The following FSTL4 variants were observed in gnomAD, a reference collection of about 807,000 sequenced individuals.
FSTL4 encodes follistatin like 4.
A neutral mutation model predicts 78.2 loss-of-function variants in FSTL4; 28 were observed. The observed-to-expected ratio is 0.36, with a 90% CI of 0.27 to 0.49. The LOEUF (loss-of-function observed/expected upper bound fraction) is 0.49, where lower values mean the gene tolerates loss of function less well. Among genes scored for constraint, FSTL4 ranks in the 20% least tolerant of loss-of-function variants. FSTL4 has a pLI of 0.98. For synonymous variants in FSTL4, 422 were observed against 440.5 expected (o/e 0.96, Z 0.53); for missense variants, 922 against 1,084.9 (o/e 0.85, Z 2.11).
At chr5:133,827,348 G>A in the FSTL4 span, among the ~76,000 whole-genome samples, 32,859 of 152,062 alleles carry the variant, frequency 0.22, 4,147 homozygotes, top group Middle Eastern at 0.32. Context: ...GCAGCGGGGC[G>A]ATCAACTGAA....
intron 3 of FSTL4, among the ~76,000 whole-genome samples, chr5:133,565,898 A>C (rs1291666690): frequency 6.6e-6 from 1 of 152,230 alleles, no homozygotes; most frequent in Non-Finnish European, 1.5e-5. Flanking sequence ...GCCAAAGTTC[A>C]TGTCAAATTC....
chr5:133,575,912 C>A (rs1760267327), intron 2 of FSTL4, among the ~76,000 whole-genome samples: 1 of 152,192 alleles, frequency 6.6e-6, no homozygotes, highest in African/African-American at 2.4e-5. Flanking sequence ...CATAACCTTT[C>A]TACGAGTTTG....
At chr5:133,755,042 C>A in the FSTL4 span, among the ~76,000 whole-genome samples, 10 of 152,170 alleles carry the variant, frequency 6.6e-5, no homozygotes, top group Non-Finnish European at 1.0e-4. Context: ...CTCCATCCCC[C>A]TGCAAGCCAG....
intron 4 of FSTL4, among the ~76,000 whole-genome samples, chr5:133,330,393 A>G (rs1265799700): frequency 6.6e-6 from 1 of 152,192 alleles, no homozygotes; most frequent in South Asian, 2.1e-4. Flanking sequence ...AGAAGGTGAA[A>G]GGGGAGCAGG....
chr5:133,493,891 C>A (rs529214514), intron 3 of FSTL4, among the ~76,000 whole-genome samples: 8 of 152,198 alleles, frequency 5.3e-5, no homozygotes, highest in Non-Finnish European at 8.8e-5. Flanking sequence ...GGATATTGAA[C>A]CTTCTAGCCC....
intron 2 of FSTL4, among the ~76,000 whole-genome samples, chr5:133,602,406 C>T (rs1470495009): frequency 1.3e-5 from 2 of 152,180 alleles, no homozygotes; most frequent in Non-Finnish European, 2.9e-5. Context: ...TTCAATTTAC[C>T]TCCAGCTAAA....
intron 3 of FSTL4, among the ~76,000 whole-genome samples, chr5:133,436,681 T>C (rs1056920154): frequency 3.9e-5 from 6 of 152,118 alleles, no homozygotes; most frequent in African/African-American, 1.4e-4. Flanking sequence ...TCCACGGTAG[T>C]AGTATTTACA....
At chr5:133,315,811 G>C (rs1753890350) in intron 5 of FSTL4, among the ~76,000 whole-genome samples, 1 of 152,330 alleles carries the variant, frequency 6.6e-6, no homozygotes, top group East Asian at 1.9e-4. Context: ...GCAACTGGCA[G>C]TGGCTGTGGC....
chr5:133,343,915 C>T (rs570897421), intron 4 of FSTL4, among the ~76,000 whole-genome samples: 4 of 152,314 alleles, frequency 2.6e-5, no homozygotes, highest in South Asian at 2.1e-4. Context: ...TATTGATCAA[C>T]GCTGAACTGC....
intron 14 of FSTL4, among the ~76,000 whole-genome samples, chr5:133,202,962 G>A (rs1750378538): frequency 6.6e-6 from 1 of 152,218 alleles, no homozygotes; most frequent in African/African-American, 2.4e-5. Flanking sequence ...TAGGATGAGT[G>A]AGTGGTCTGG....
chr5:133,379,028 T>A (rs940589359), intron 4 of FSTL4, among the ~76,000 whole-genome samples: 1 of 152,116 alleles, frequency 6.6e-6, no homozygotes, highest in African/African-American at 2.4e-5. Context: ...GTAGAACACA[T>A]ACTTTAGAAT....
At chr5:133,370,938 G>A (rs1755283909) in intron 4 of FSTL4, among the ~76,000 whole-genome samples, 1 of 152,198 alleles carries the variant, frequency 6.6e-6, no homozygotes, top group South Asian at 2.1e-4. Context: ...GTAAGAGATG[G>A]CTCTCCCCTG....
rs75797032 is a variant in FSTL4 at position 133,218,537 on chromosome 5, C to T, written c.1459-1159G>A. On this transcript the variant is annotated intron_variant, in intron 12 of 15. Coordinates refer to ENST00000265342, the MANE Select transcript of FSTL4 (RefSeq NM_015082.2). ...AAAATCCCAAGTCTTTCCTACAAGG[C>T]CCTCTACATTCGGTCTGCTGCTTTT... Among the ~76,000 whole-genome samples the T allele has an allele frequency of 3.9e-3, 593 of 152,310 alleles. 22 individuals carry two copies. In the East Asian group the frequency reaches 0.093, roughly 24 times the overall value.
chr5:133,730,515 C>T, the FSTL4 span, among the ~76,000 whole-genome samples: 2 of 152,154 alleles, frequency 1.3e-5, no homozygotes, highest in African/African-American at 2.4e-5. Flanking sequence ...GTATGCCAGA[C>T]CCAGCCCAAA....
intron 6 of FSTL4, among the ~76,000 whole-genome samples, chr5:133,274,775 A>G (rs1406263633): frequency 2.6e-5 from 4 of 152,224 alleles, no homozygotes; most frequent in African/African-American, 4.8e-5. Context: ...AAATAATGGG[A>G]AGATAAAACT....
chr5:133,780,195 T>C, the FSTL4 span, among the ~76,000 whole-genome samples: 1 of 151,978 alleles, frequency 6.6e-6, no homozygotes, highest in Non-Finnish European at 1.5e-5. Flanking sequence ...AGTCCGCCAA[T>C]GCAGAACTGC....
At chr5:133,775,030 C>T in the FSTL4 span, among the ~76,000 whole-genome samples, 1 of 152,108 alleles carries the variant, frequency 6.6e-6, no homozygotes, top group Non-Finnish European at 1.5e-5. Context: ...CAAAGAAAAG[C>T]ACAACTTGAT....
chr5:133,233,960 T>TA (rs1751583470), intron 7 of FSTL4, among the ~76,000 whole-genome samples: 1 of 152,124 alleles, frequency 6.6e-6, no homozygotes, highest in Non-Finnish European at 1.5e-5. Context: ...CTGACTTTCT[T>TA]AAGGGGCTAG....
intron 4 of FSTL4, among the ~76,000 whole-genome samples, chr5:133,394,195 A>G (rs888997122): frequency 6.6e-6 from 1 of 152,242 alleles, no homozygotes; most frequent in Non-Finnish European, 1.5e-5. Context: ...AGGTGACAGC[A>G]TGCTGGTAGC....
Sources: allele counts gnomAD v4.1 joint callset (sites outside exome capture counted in the v4.1 genomes callset), GRCh38; gene constraint gnomAD v4.1.1; transcripts MANE v1.5; gene names NCBI Gene and HGNC (gene_info 2026-07-23, HGNC 2026-07-21).